SPTBN1: variants seen among roughly 807,000 people sequenced by gnomAD.
The protein encoded by SPTBN1 is spectrin beta chain, non-erythrocytic 1.
A neutral mutation model predicts 266.4 loss-of-function variants in SPTBN1; 32 were observed. That is an observed-to-expected ratio of 0.12 (90% confidence interval 0.09 to 0.16). The LOEUF (loss-of-function observed/expected upper bound fraction) is 0.16. SPTBN1 is among the 10% of genes least tolerant of loss of function. SPTBN1 has a pLI of 1.00. For synonymous variants in SPTBN1, 1,336 were observed against 1,162.2 expected (o/e 1.15, Z -3.04); for missense variants, 2,296 against 3,067.1 (o/e 0.75, Z 5.94).
Position 54,631,212 on chromosome 2 carries a change from G to T in SPTBN1, c.3165G>T (p.Glu1055Asp). ...EEMKTTLKNR[E>D]ASLGEASKLQ... is the part of the protein sequence containing the mutation. ...TGAAGACCACCCTGAAAAACCGAGA[G>T]GCCTCCCTGGGAGAGGCCAGCAAGC... The change falls in exon 16 of 36, where the codon GAG becomes GAT. Residue 1055 changes from glutamate to aspartate, a missense_variant. Around this residue, in one of 12 missense-constraint regions of SPTBN1, gnomAD observed 18 missense variants for 50.3 expected, o/e 0.36. Coordinates refer to ENST00000356805, the MANE Select transcript of SPTBN1 (RefSeq NM_003128.3). The T allele has an allele frequency of 6.2e-7, 1 of 1,614,186 alleles. No homozygotes were observed. Among genetic ancestry groups the T allele is most frequent in the Non-Finnish European group, 8.5e-7 (1 of 1,180,014 alleles).
intron 2 of SPTBN1, among the ~76,000 whole-genome samples, chr2:54,587,884 A>G (rs1215142195): frequency 6.6e-6 from 1 of 152,184 alleles, no homozygotes; most frequent in Non-Finnish European, 1.5e-5. Flanking sequence ...CTGACCTGAC[A>G]TGTGGATATC....
intron 2 of SPTBN1, among the ~76,000 whole-genome samples, chr2:54,566,981 A>C (rs779866805): frequency 6.6e-6 from 1 of 152,358 alleles, no homozygotes; most frequent in South Asian, 2.1e-4. Context: ...TAAAAAATAC[A>C]GGGCTTGCTC....
chr2:54,578,366 A>G (rs989521416), intron 2 of SPTBN1, among the ~76,000 whole-genome samples: 1 of 152,024 alleles, frequency 6.6e-6, no homozygotes, highest in Non-Finnish European at 1.5e-5. Flanking sequence ...CGACTGGTTG[A>G]GTGTTTGTTG....
chr2:54,465,740 A>G (rs1693604581), intron 1 of SPTBN1, among the ~76,000 whole-genome samples: 1 of 150,630 alleles, frequency 6.6e-6, no homozygotes. Context: ...ACATATTTTA[A>G]AACATTTTAA....
At chr2:54,570,547 C>T (rs957923275) in intron 2 of SPTBN1, among the ~76,000 whole-genome samples, 1 of 152,146 alleles carries the variant, frequency 6.6e-6, no homozygotes, top group African/African-American at 2.4e-5. Context: ...ATCCCCCTCC[C>T]TCCACCAAGA....
At chr2:54,503,200 A>T (rs1669362857) in intron 1 of SPTBN1, among the ~76,000 whole-genome samples, 1 of 152,142 alleles carries the variant, frequency 6.6e-6, no homozygotes, top group Non-Finnish European at 1.5e-5. Context: ...CTCCATGCTG[A>T]TATATTATGC....
At chr2:54,567,288 A>G (rs1158052196) in intron 2 of SPTBN1, among the ~76,000 whole-genome samples, 2 of 152,182 alleles carry the variant, frequency 1.3e-5, no homozygotes, top group Non-Finnish European at 2.9e-5. Flanking sequence ...CCTGTTAGGT[A>G]AAGGAGTTTG....
intron 26 of SPTBN1, among the ~76,000 whole-genome samples, chr2:54,651,039 G>A (rs1431543565): frequency 6.6e-6 from 1 of 152,160 alleles, no homozygotes; most frequent in Non-Finnish European, 1.5e-5. Context: ...ATAGTTTAAG[G>A]ATTGAGGTGC....
intron 1 of SPTBN1, among the ~76,000 whole-genome samples, chr2:54,474,704 A>T (rs1021443638): frequency 6.6e-6 from 1 of 152,228 alleles, no homozygotes; most frequent in Non-Finnish European, 1.5e-5. Flanking sequence ...ACTATGTAGA[A>T]AAATATACAA....
intron 2 of SPTBN1, among the ~76,000 whole-genome samples, chr2:54,581,329 G>A (rs1047433610): frequency 6.6e-6 from 1 of 152,140 alleles, no homozygotes; most frequent in African/African-American, 2.4e-5. Context: ...TAGAATTGAG[G>A]AGGAGGGGAT....
At chr2:54,522,701 A>G (rs34296545) in intron 1 of SPTBN1, among the ~76,000 whole-genome samples, 1,576 of 64,704 alleles carry the variant, frequency 0.024, 32 homozygotes, top group Middle Eastern at 0.039. Context: ...GAGAGAGAGA[A>G]AGAAAGAAAG....
intron 1 of SPTBN1, among the ~76,000 whole-genome samples, chr2:54,498,695 A>C (rs1048399582): frequency 6.6e-6 from 1 of 152,170 alleles, no homozygotes; most frequent in Admixed American, 6.5e-5. Context: ...TTTTTTCAAG[A>C]AGCTCCCATG....
chr2:54,622,594 T>A (rs2103874614), intron 9 of SPTBN1, 107 bp downstream of exon 9: 37 of 1,267,758 alleles, frequency 2.9e-5, no homozygotes, highest in Non-Finnish European at 4.0e-5. Flanking sequence ...ACTGAATGCC[T>A]TTCAGTAGTG....
intron 19 of SPTBN1, 85 bp downstream of exon 19, chr2:54,643,214 A>G: frequency 3.8e-6 from 6 of 1,561,442 alleles, no homozygotes; most frequent in South Asian, 1.2e-5. Flanking sequence ...ATTTTCCAGC[A>G]TATCTGATCT....
intron 14 of SPTBN1, 37 bp downstream of exon 14, chr2:54,629,840 T>G: frequency 6.2e-7 from 1 of 1,612,706 alleles, no homozygotes; most frequent in Non-Finnish European, 8.5e-7. Flanking sequence ...GCCTGTTCCT[T>G]GTGACCACCA....
chr2:54,493,424 G>T (rs919604044), intron 1 of SPTBN1, among the ~76,000 whole-genome samples: 1 of 147,162 alleles, frequency 6.8e-6, no homozygotes, highest in Non-Finnish European at 1.5e-5. Flanking sequence ...GGGGGTTGGG[G>T]GAGACAGTCT....
chr2:54,469,792 G>A (rs1693823407), intron 1 of SPTBN1, among the ~76,000 whole-genome samples: 1 of 152,194 alleles, frequency 6.6e-6, no homozygotes, highest in South Asian at 2.1e-4. Context: ...TCAGTCAGGT[G>A]ACTTCTCTGA....
chr2:54,556,518 G>A (rs1364494594), intron 2 of SPTBN1, among the ~76,000 whole-genome samples: 4 of 152,210 alleles, frequency 2.6e-5, no homozygotes, highest in African/African-American at 9.6e-5. Context: ...AACGTTATAA[G>A]TTGGCAAAGC....
At chr2:54,590,373 G>T (rs531733287) in intron 2 of SPTBN1, among the ~76,000 whole-genome samples, 6 of 152,158 alleles carry the variant, frequency 3.9e-5, no homozygotes, top group Admixed American at 3.9e-4. Context: ...AAGATTTATC[G>T]AGAACCTAGT....
Sources: allele counts gnomAD v4.1 joint callset (sites outside exome capture counted in the v4.1 genomes callset), GRCh38; gene constraint gnomAD v4.1.1; regional missense constraint gnomAD v4.1.1; transcripts MANE v1.5; gene names NCBI Gene and HGNC (gene_info 2026-07-23, HGNC 2026-07-21).